Variants in CEP83 observed in about 807,000 individuals in gnomAD.
CEP83 encodes the protein centrosomal protein 83.
CEP83 carries 70 observed loss-of-function variants against 101.9 expected under a neutral mutation model. The observed-to-expected ratio is 0.69, with a 90% CI of 0.57 to 0.84. CEP83 has a LOEUF of 0.84. Ranked by LOEUF, CEP83 falls within the 40% of genes least tolerant of loss-of-function variation. The pLI, the probability that CEP83 is intolerant of heterozygous loss-of-function variation, is 0.00. For synonymous variants in CEP83, 264 were observed against 267.9 expected (o/e 0.99, Z 0.14); for missense variants, 715 against 787.2 (o/e 0.91, Z 1.10).
Position 94,312,197 on chromosome 12 carries a change from C to G in CEP83, c.1811+717G>C, listed in dbSNP as rs1269638869. Reference sequence around the variant, plus strand: ...TTGGAATAGAGTATTGTAAGGCTGGCACTAATTCTACAGTCTAGAAACTTC... The same window carrying G: ...TTGGAATAGAGTATTGTAAGGCTGGGACTAATTCTACAGTCTAGAAACTTC... On this transcript the variant is annotated intron_variant, in intron 15 of 16. Coordinates refer to ENST00000397809, the MANE Select transcript of CEP83 (RefSeq NM_016122.3). Among the ~76,000 whole-genome samples the G allele has an allele frequency of 2.0e-5, 3 of 152,250 alleles. No homozygotes were observed. The East Asian group carries it at 5.8e-4, about 29-fold the overall frequency.
intron 2 of CEP83, among the ~76,000 whole-genome samples, chr12:94,414,022 T>C (rs2064097062): frequency 6.6e-6 from 1 of 152,218 alleles, no homozygotes; most frequent in African/African-American, 2.4e-5. Context: ...TAGTGTGATA[T>C]CTACGTATTA....
chr12:94,426,056 A>G (rs1269913707), intron 2 of CEP83, among the ~76,000 whole-genome samples: 1 of 151,582 alleles, frequency 6.6e-6, no homozygotes, highest in Non-Finnish European at 1.5e-5. Flanking sequence ...TGGGAGGTGG[A>G]GCTTGCAGTG....
At chr12:94,289,853 C>T in the CEP83 span, among the ~76,000 whole-genome samples, 4 of 152,020 alleles carry the variant, frequency 2.6e-5, no homozygotes, top group African/African-American at 9.7e-5. Context: ...TACGCGCTCA[C>T]ACACACACAC....
chr12:94,392,255 C>T (rs564078844), intron 6 of CEP83, among the ~76,000 whole-genome samples: 1 of 152,182 alleles, frequency 6.6e-6, no homozygotes, highest in Non-Finnish European at 1.5e-5. Context: ...CACTCCTCAG[C>T]AAATGCAAAA....
chr12:94,400,244 A>G (rs960497599), intron 6 of CEP83, among the ~76,000 whole-genome samples: 1 of 152,198 alleles, frequency 6.6e-6, no homozygotes, highest in Non-Finnish European at 1.5e-5. Context: ...CCAATGAAAA[A>G]CAGAAACCCC....
At chr12:94,428,184 A>T (rs2065351330) in intron 2 of CEP83, among the ~76,000 whole-genome samples, 2 of 152,226 alleles carry the variant, frequency 1.3e-5, no homozygotes, top group Admixed American at 1.3e-4. Flanking sequence ...CTCAACCTCA[A>T]ATGCTTAGTG....
intron 2 of CEP83, chr12:94,424,033 G>A: frequency 1.2e-6 from 2 of 1,612,570 alleles, no homozygotes; most frequent in South Asian, 2.2e-5. Context: ...GCTGCATGAG[G>A]TATGAATGGT....
chr12:94,387,690 A>G (rs1049838508), intron 6 of CEP83, among the ~76,000 whole-genome samples: 1 of 152,244 alleles, frequency 6.6e-6, no homozygotes, highest in African/African-American at 2.4e-5. Flanking sequence ...TGCATCTGAC[A>G]AAGTTCTAAT....
chr12:94,311,929 G>C (rs1969922916), intron 15 of CEP83, among the ~76,000 whole-genome samples: 1 of 152,192 alleles, frequency 6.6e-6, no homozygotes, highest in South Asian at 2.1e-4. Flanking sequence ...GAAGGACTGA[G>C]CCAGGAATGG....
At chr12:94,428,104 C>T (rs1313390643) in intron 2 of CEP83, among the ~76,000 whole-genome samples, 2 of 152,206 alleles carry the variant, frequency 1.3e-5, no homozygotes, top group East Asian at 1.9e-4. Context: ...TCTATTTTTA[C>T]GATTGTACTG....
chr12:94,315,851 A>G (rs1970599949), intron 14 of CEP83, among the ~76,000 whole-genome samples: 1 of 152,134 alleles, frequency 6.6e-6, no homozygotes, highest in Non-Finnish European at 1.5e-5. Context: ...TCTGGACTCT[A>G]TACTGTTCCA....
In CEP83 at chr12:94,348,223, A is replaced by T. The variant is rs528093554; in HGVS notation, c.1344-12559T>A. 3.3e-5 allele frequency among the ~76,000 whole-genome samples: 5 copies of T among 152,182 alleles called. No homozygotes were observed. The East Asian group carries it at 9.7e-4, about 29-fold the overall frequency. On this transcript the variant is annotated intron_variant, in intron 11 of 16. Coordinates refer to ENST00000397809, the MANE Select transcript of CEP83 (RefSeq NM_016122.3). ...AAATAAGCATTGAAACAGAAAAAAAATTTAAAAAAAAGAGGTCTACTTTTC... is the reference window on the plus strand; with the variant it reads ...AAATAAGCATTGAAACAGAAAAAAATTTTAAAAAAAAGAGGTCTACTTTTC...
At chr12:94,281,067 T>G in the CEP83 span, among the ~76,000 whole-genome samples, 2 of 152,174 alleles carry the variant, frequency 1.3e-5, no homozygotes, top group Admixed American at 1.3e-4. Flanking sequence ...TCACCTGAAG[T>G]CAGGAGTTTG....
intron 2 of CEP83, among the ~76,000 whole-genome samples, chr12:94,412,939 G>A (rs554041376): frequency 9.3e-5 from 14 of 150,912 alleles, no homozygotes; most frequent in Admixed American, 6.0e-4. Context: ...TGCAACCTCC[G>A]CCTCCCGGGT....
chr12:94,300,887 G>A, the CEP83 span: 12 of 1,597,766 alleles, frequency 7.5e-6, no homozygotes, highest in African/African-American at 1.1e-4. Flanking sequence ...TATTTGAAAA[G>A]AGATTATTCT....
At chr12:94,360,232 C>T (rs556925417) in intron 11 of CEP83, among the ~76,000 whole-genome samples, 74 of 152,076 alleles carry the variant, frequency 4.9e-4, no homozygotes, top group African/African-American at 1.8e-3. Flanking sequence ...AGGATGTTCA[C>T]CCTTGTCAAT....
At chr12:94,403,975 T>C (rs1014066062) in intron 4 of CEP83, among the ~76,000 whole-genome samples, 3 of 152,188 alleles carry the variant, frequency 2.0e-5, no homozygotes, top group South Asian at 2.1e-4. Flanking sequence ...GTCCAAATAT[T>C]GTATTCAAAA....
chr12:94,286,142 T>G, the CEP83 span, among the ~76,000 whole-genome samples: 1 of 152,238 alleles, frequency 6.6e-6, no homozygotes, highest in Non-Finnish European at 1.5e-5. Context: ...TAATCCGGCC[T>G]GTAGTCACTT....
intron 1 of CEP83, among the ~76,000 whole-genome samples, chr12:94,442,387 G>T (rs2066476752): frequency 6.6e-6 from 1 of 151,882 alleles, no homozygotes; most frequent in Non-Finnish European, 1.5e-5. Flanking sequence ...GGGGGGTGAG[G>T]GTTAAAAGAC....
Sources: gnomAD v4.1 joint callset for allele counts (sites outside exome capture counted in the v4.1 genomes callset) on GRCh38, gnomAD v4.1.1 for gene constraint, MANE v1.5 for transcripts, NCBI Gene and HGNC (gene_info 2026-07-23, HGNC 2026-07-21) for gene names.